IPO5: variants seen among roughly 807,000 people sequenced by gnomAD.
IPO5 encodes the protein importin 5.
In IPO5, 18 loss-of-function variants were observed where a neutral mutation model predicts 143.3. The ratio of observed to expected loss-of-function variants is 0.13; its 90% confidence interval spans 0.09 to 0.19. The LOEUF (loss-of-function observed/expected upper bound fraction) is 0.19, where lower values mean the gene tolerates loss of function less well. Ranked by LOEUF, IPO5 falls within the 10% of genes least tolerant of loss-of-function variation. The pLI is 1.00. For missense variants in IPO5, 1,013 were observed against 1,336.9 expected (o/e 0.76, Z 3.78); for synonymous variants, 477 against 465.7 (o/e 1.02, Z -0.31).
chr13:97,970,358 C>T (rs1885714297), intron 3 of IPO5, among the ~76,000 whole-genome samples: 1 of 152,244 alleles, frequency 6.6e-6, no homozygotes, highest in East Asian at 1.9e-4. Context: ...CAGTGGCTCA[C>T]GCCTGTAATC....
intron 16 of IPO5, among the ~76,000 whole-genome samples, chr13:98,004,083 T>G (rs1393941756): frequency 6.6e-6 from 1 of 152,200 alleles, no homozygotes; most frequent in Non-Finnish European, 1.5e-5. Flanking sequence ...TATTGTCAAA[T>G]GTTTATTGTC....
Position 97,977,223 on chromosome 13 carries a change from A to G in IPO5, c.90+437A>G, listed in dbSNP as rs1387745248. 3.9e-5 allele frequency among the ~76,000 whole-genome samples: 6 copies of G among 152,060 alleles called. No individual in the cohort carries two copies. In the South Asian group the frequency reaches 6.2e-4, roughly 16 times the overall value. ...GTGGGTCTCCCAAACCCTGGCTGCT[A>G]CCTGACCCGTCACGCCTGCTTCTAC... On this transcript the variant is annotated intron_variant, in intron 4 of 28. Transcript: ENST00000651721.
chr13:98,009,568 T>C (rs1341567850), intron 18 of IPO5, among the ~76,000 whole-genome samples: 1 of 152,204 alleles, frequency 6.6e-6, no homozygotes, highest in African/African-American at 2.4e-5. Flanking sequence ...TTTAGGTGAT[T>C]AGTTTCATTT....
At chr13:98,007,038 G>GT (rs1889323400) in intron 17 of IPO5, among the ~76,000 whole-genome samples, 1 of 147,712 alleles carries the variant, frequency 6.8e-6, no homozygotes, top group African/African-American at 2.6e-5. Flanking sequence ...GCTGATTTTT[G>GT]TATTTTTTTT....
Position 98,000,571 on chromosome 13 carries a change from G to A in IPO5, c.1034G>A (p.Arg345Gln). The A allele has an allele frequency of 6.2e-7, 1 of 1,614,046 alleles. No individual in the cohort carries two copies. Among genetic ancestry groups the A allele is most frequent in the Non-Finnish European group, 8.5e-7 (1 of 1,179,948 alleles). The change falls in exon 13 of 29, where the codon CGA (arginine) becomes CAA (glutamine). Residue 345 changes from arginine (R) to glutamine (Q), a missense_variant. Physicochemically the swap from Arg to Gln is conservative, Grantham distance 43 (BLOSUM62 1). Around this residue, in one of 2 missense-constraint regions of IPO5, gnomAD observed 685 missense variants for 994.9 expected, o/e 0.69. Coordinates refer to ENST00000651721, the MANE Select transcript of IPO5 (RefSeq NM_002271.6). Reference sequence around the variant, plus strand: ...GTTGCAGGCGAGAGTGCTCTAGATCGAATGGCTTGCGGACTTGGTGGAAAG... The same window carrying A: ...GTTGCAGGCGAGAGTGCTCTAGATCAAATGGCTTGCGGACTTGGTGGAAAG... The part of the protein sequence containing the change: ...NAVAGESALD[R>Q]MACGLGGKLV...
At chr13:97,995,153 ATCTTTCTTTCAT>A (rs1173666208) in intron 11 of IPO5, among the ~76,000 whole-genome samples, 2 of 140,206 alleles carry the variant, frequency 1.4e-5, no homozygotes, top group Non-Finnish European at 3.1e-5. Flanking sequence ...TTTCTGGGAT[ATCTTTCTTTCAT>A]TCTTTCTTTC....
Position 98,000,652 on chromosome 13 carries a change from T to C in IPO5, c.1108+7T>C, listed in dbSNP as rs758938341. 1.9e-6 allele frequency: 3 copies of C among 1,593,608 alleles called. No individual in the cohort carries two copies. The highest frequency in any genetic ancestry group is 2.6e-6 in the Non-Finnish European group (3 of 1,161,406). On this transcript the variant is annotated splice_region_variant and intron_variant, in intron 13 of 28. Coordinates refer to ENST00000651721, the MANE Select transcript of IPO5 (RefSeq NM_002271.6). ...ATGCAAATGCTTCAAAATCGTAAGC[T>C]GTGTCCTTCAAATGCTAGAAGAGTG...
At chr13:97,978,125 C>T (rs929961297) in intron 4 of IPO5, among the ~76,000 whole-genome samples, 2 of 152,182 alleles carry the variant, frequency 1.3e-5, no homozygotes, top group African/African-American at 4.8e-5. Context: ...ATTTATTATA[C>T]ATGTAATACA....
chr13:97,981,392 T>A (rs904239469), intron 4 of IPO5: 1 of 380,324 alleles, frequency 2.6e-6, no homozygotes, highest in African/African-American at 2.2e-5. Flanking sequence ...TCATTGTCTA[T>A]GATCTTAGGC....
intron 21 of IPO5, among the ~76,000 whole-genome samples, chr13:98,012,626 A>G (rs921151022): frequency 6.6e-6 from 1 of 152,100 alleles, no homozygotes; most frequent in African/African-American, 2.4e-5. Context: ...TATAGTTGCT[A>G]CTTTCCCCAA....
In IPO5 at chr13:98,021,967, C is replaced by T; in HGVS notation, c.*145C>T. 2.1e-6 allele frequency: 1 copy of T among 469,532 alleles called. No homozygotes were observed. The allele number at this position is 469,532 out of a possible 1,614,324, so 29.1% of individuals were successfully genotyped here. A position where few individuals can be genotyped will look rare whatever the true frequency, so the allele number is the denominator to read the frequency against. ...TCTGGAGAGCCACAAGCAGGAAGAG[C>T]AGCGCTGTGTTGCAGAATGGAGTTT... On this transcript the variant is annotated 3_prime_UTR_variant, in exon 29 of 29. Transcript: ENST00000651721.
At chr13:98,012,401 G>A in intron 21 of IPO5, 59 bp downstream of exon 21, 1 of 1,034,302 alleles carries the variant, frequency 9.7e-7, no homozygotes, top group Admixed American at 1.7e-5. Flanking sequence ...GTAGTTTCTT[G>A]GAGTATTAGA....
rs137940040 is a variant in IPO5 at position 98,000,513 on chromosome 13, G to A, written c.1002-26G>A. 776 of 1,392,630 alleles carry A rather than the reference G, an allele frequency of 5.6e-4. 5 individuals are homozygous for A. In the East Asian group the frequency reaches 0.014, roughly 26 times the overall value. The allele number at this position is 1,392,630 out of a possible 1,614,324, so 86.3% of individuals were successfully genotyped here. ...TTCTTTTGTGTTTCAGATATATTGA[G>A]TACATAATTCTGTTTATGTGTTTAG... is the stretch of plus-strand genomic sequence containing the variant. On this transcript the variant is annotated intron_variant, in intron 12 of 28. Transcript: ENST00000651721.
chr13:97,995,977 C>T (rs924141723), intron 11 of IPO5, among the ~76,000 whole-genome samples: 2 of 152,060 alleles, frequency 1.3e-5, no homozygotes, highest in African/African-American at 4.8e-5. Flanking sequence ...ATCAGATACA[C>T]CATAAATGAA....
chr13:97,991,466 ACAAAG>A lies in IPO5; in HGVS notation c.669+935_669+939del, dbSNP rs1719371219. Among the ~76,000 whole-genome samples the A allele has an allele frequency of 2.0e-5, 3 of 152,234 alleles. No individual in the cohort carries two copies. The South Asian group carries it at 6.2e-4, about 32-fold the overall frequency. On this transcript the variant is annotated intron_variant, in intron 9 of 28. Transcript: ENST00000651721. Reference sequence around the variant, plus strand: ...ATTTCCTAAAATAGTAAGGTTCTGAACAAAGCAAAGTAGAGGTTGAGTGTCTCTTA... The same window carrying A: ...ATTTCCTAAAATAGTAAGGTTCTGAACAAAGTAGAGGTTGAGTGTCTCTTA...
Position 98,018,746 on chromosome 13 carries a change from T to C in IPO5, c.2836+42T>C, listed in dbSNP as rs763978217. ...CGTTACGTGCATTTCATTCCAGACA[T>C]CCTGTGAATCCCTACTTTACTCTCT... On this transcript the variant is annotated intron_variant, in intron 26 of 28. Coordinates refer to ENST00000651721, the MANE Select transcript of IPO5 (RefSeq NM_002271.6). 5 of 1,401,874 alleles carry C rather than the reference T, an allele frequency of 3.6e-6. No homozygotes were observed. In the Admixed American group the frequency reaches 8.6e-5, roughly 24 times the overall value. The allele number at this position is 1,401,874 out of a possible 1,614,324, so 86.8% of individuals were successfully genotyped here.
At chr13:98,004,882 T>C (rs1889085189) in intron 16 of IPO5, among the ~76,000 whole-genome samples, 1 of 151,408 alleles carries the variant, frequency 6.6e-6, no homozygotes, top group African/African-American at 2.4e-5. Flanking sequence ...AATATTTTAT[T>C]TTATTTTATT....
chr13:97,970,791 C>T (rs1885766489), intron 3 of IPO5, among the ~76,000 whole-genome samples: 1 of 152,048 alleles, frequency 6.6e-6, no homozygotes, highest in Non-Finnish European at 1.5e-5. Context: ...TTTTCTTAAC[C>T]ACAATTATGA....
At chr13:97,981,376 T>C in intron 4 of IPO5, 1 of 405,706 alleles carries the variant, frequency 2.5e-6, no homozygotes, top group Non-Finnish European at 4.8e-6. Context: ...GAGTTCTGTC[T>C]GCTATTCATT....
Sources: allele counts gnomAD v4.1 joint callset (sites outside exome capture counted in the v4.1 genomes callset), GRCh38; gene constraint gnomAD v4.1.1; regional missense constraint gnomAD v4.1.1; transcripts MANE v1.5; gene names NCBI Gene and HGNC (gene_info 2026-07-23, HGNC 2026-07-21).